Variants in TUB observed in about 807,000 individuals in gnomAD.
TUB encodes the protein TUB bipartite transcription factor, also known as tubby protein homolog.
In TUB, 33 loss-of-function variants were observed where a neutral mutation model predicts 59.7. The ratio of observed to expected loss-of-function variants is 0.55; its 90% CI spans 0.42 to 0.74. The LOEUF (loss-of-function observed/expected upper bound fraction) is 0.74, where lower values mean the gene tolerates loss of function less well. Among genes scored for constraint, TUB ranks in the 30% least tolerant of loss-of-function variants. The probability of loss-of-function intolerance (pLI) is 0.00; values close to 1 mark genes in which losing one functional copy is unlikely to be tolerated. For synonymous variants in TUB, 293 were observed against 256.4 expected (o/e 1.14, Z -1.36); for missense variants, 659 against 672.0 (o/e 0.98, Z 0.21).
intron 2 of TUB, among the ~76,000 whole-genome samples, chr11:8,074,185 A>C (rs902506800): frequency 1.3e-5 from 2 of 151,794 alleles, no homozygotes; most frequent in African/African-American, 4.8e-5. Flanking sequence ...TGTTGTCTGC[A>C]CTGTTCAGGG....
Position 8,098,835 on chromosome 11 carries a change from A to C in TUB, c.1076A>C (p.Glu359Ala). The change falls in exon 9 of 12, where the codon GAA becomes GCA. Residue 359 changes from glutamate to alanine, a missense_variant. Glu to Ala is a moderately radical substitution (Grantham distance 107). Coordinates refer to ENST00000299506, the MANE Select transcript of TUB (RefSeq NM_177972.3). ...NPQKASSSTL[E>A]SGTLRQELAA... ...CAGAAGGCCTCATCCTCCACTTTGG[A>C]AAGTGGAACCTTACGTCAGGAGCTG... The C allele has an allele frequency of 6.2e-7, 1 of 1,614,180 alleles. No individual in the cohort carries two copies. Among genetic ancestry groups the C allele is most frequent in the South Asian group, 1.1e-5 (1 of 91,080 alleles).
intron 3 of TUB, 119 bp from the exon 4 acceptor site, chr11:8,093,926 GC>G: frequency 8.7e-7 from 1 of 1,151,836 alleles, no homozygotes. Context: ...TGGTACAGGG[GC>G]CCTGGTGGGA....
At chr11:8,038,651 T>A in exon 1 of TUB, 1 of 1,329,954 alleles carries the variant, frequency 7.5e-7, no homozygotes, top group Non-Finnish European at 9.6e-7. Context: ...TTCAGTCTGG[T>A]CCTGAAGGGT....
chr11:8,033,995 G>A (rs1589922904), upstream of TUB, among the ~76,000 whole-genome samples: 1 of 152,228 alleles, frequency 6.6e-6, no homozygotes, highest in African/African-American at 2.4e-5. Context: ...TTTCCAGGTA[G>A]AATTTTGGGG....
rs769795043 is a variant in TUB, at chr11:8,098,740, AT to A, written c.999-16del. ...GCAGAGGGTGCATGACTCTATACTG[AT>A]TGTGCCTTTATTTCAGGTCCAACTT... On this transcript the variant is annotated splice_polypyrimidine_tract_variant and intron_variant, in intron 8 of 11. Coordinates refer to ENST00000299506, the MANE Select transcript of TUB (RefSeq NM_177972.3). 5 of 1,587,324 alleles carry A rather than the reference AT, an allele frequency of 3.1e-6. No individual in the cohort carries two copies. The East Asian group carries it at 8.9e-5, about 28-fold the overall frequency.
intron 5 of TUB, 91 bp from the exon 6 acceptor site, chr11:8,096,594 A>G (rs775279278): frequency 9.4e-5 from 80 of 847,866 alleles, no homozygotes; most frequent in Non-Finnish European, 1.5e-4. Flanking sequence ...CAGGTGAGTC[A>G]GTGTCTGAAC....
intron 2 of TUB, chr11:8,067,589 TA>T (rs1443732623): frequency 1.3e-5 from 2 of 152,210 alleles, no homozygotes; most frequent in Non-Finnish European, 2.9e-5. Context: ...AAATATTTAT[TA>T]AACTCCTGTT....
exon 1 of TUB, chr11:8,038,649 G>T: frequency 7.6e-7 from 1 of 1,317,138 alleles, no homozygotes; most frequent in South Asian, 1.9e-5. Context: ...GATTCAGTCT[G>T]GTCCTGAAGG....
chr11:8,056,837 G>A (rs965350378), intron 2 of TUB, among the ~76,000 whole-genome samples: 12 of 152,050 alleles, frequency 7.9e-5, no homozygotes, highest in African/African-American at 2.9e-4. Flanking sequence ...ACAAGCACAT[G>A]GTGTGTCTCA....
Position 8,105,107 on chromosome 11 carries a change from A to G in TUB, c.*3488A>G, listed in dbSNP as rs889885383. 2 of 152,230 alleles carry G rather than the reference A, an allele frequency of 1.3e-5. No individual in the cohort carries two copies. Among genetic ancestry groups the G allele is most frequent in the Non-Finnish European group, 2.9e-5 (2 of 68,048 alleles). The allele number at this position is 152,230 out of a possible 1,614,324, so 9.4% of individuals were successfully genotyped here. Reference sequence around the variant, plus strand: ...GGGAGATGCTGGGATAGCCATTTCCATGGCTCTGTTATGCAAGCACAAATT... The same window carrying G: ...GGGAGATGCTGGGATAGCCATTTCCGTGGCTCTGTTATGCAAGCACAAATT... On this transcript the variant is annotated 3_prime_UTR_variant, in exon 12 of 12. Coordinates refer to ENST00000299506, the MANE Select transcript of TUB (RefSeq NM_177972.3).
At chr11:8,075,665 T>C (rs141271932) in intron 2 of TUB, 40 of 152,340 alleles carry the variant, frequency 2.6e-4, no homozygotes, top group African/African-American at 8.4e-4. Context: ...CTGACCATTT[T>C]CAGGTAACCA....
At chr11:8,022,357 C>A (rs540291703) in intron 1 of TUB, among the ~76,000 whole-genome samples, 3 of 152,222 alleles carry the variant, frequency 2.0e-5, no homozygotes, top group Non-Finnish European at 4.4e-5. Context: ...TCATCCCCAT[C>A]CTAACTCTAT....
chr11:8,043,781 T>A (rs1028324226), intron 2 of TUB, among the ~76,000 whole-genome samples: 1 of 152,184 alleles, frequency 6.6e-6, no homozygotes. Context: ...GCTGAACTTG[T>A]TTATTAGTTA....
In TUB at chr11:8,090,158, G is replaced by T; in HGVS notation, c.180G>T (p.Arg60=). 1 of 1,613,598 alleles carries T rather than the reference G, an allele frequency of 6.2e-7. No homozygotes were observed. Among genetic ancestry groups the T allele is most frequent in the Non-Finnish European group, 8.5e-7 (1 of 1,179,896 alleles). The part of the protein sequence containing the change: ...ANADGRPRSR[R]ARQSEEQAPL... ...CAGATGGGCGGCCCCGGAGCCGGCG[G>T]GCCCGGCAGTCAGAGGAACAAGCCC... Residue 60 remains arginine (R), a synonymous_variant, in exon 3 of 12, where the codon CGG becomes CGT. Transcript: ENST00000299506.
At chr11:8,031,669 T>C (rs1235182491) in intron 1 of TUB, among the ~76,000 whole-genome samples, 1 of 152,220 alleles carries the variant, frequency 6.6e-6, no homozygotes, top group East Asian at 1.9e-4. Flanking sequence ...GTCTCACTTT[T>C]AGTGTAACTG....
intron 1 of TUB, among the ~76,000 whole-genome samples, chr11:8,029,436 T>C (rs1381420797): frequency 6.7e-6 from 1 of 149,100 alleles, no homozygotes; most frequent in Non-Finnish European, 1.5e-5. Context: ...TCTCCCAGGC[T>C]GGAGTGCAGT....
rs751200780 is a variant in TUB, at chr11:8,081,564, G to C, written c.38+16G>C. ...TTCCCTACAGGTACGCGGGCGCCGG[G>C]CCGGGGCGCCCACCACTCCCGACTC... On this transcript the variant is annotated intron_variant, in intron 1 of 11. Transcript: ENST00000299506. The C allele has an allele frequency of 6.5e-7, 1 of 1,528,174 alleles. No individual in the cohort carries two copies. The highest frequency in any genetic ancestry group is 1.2e-5 in the South Asian group (1 of 82,744). The allele number at this position is 1,528,174 out of a possible 1,614,324, so 94.7% of individuals were successfully genotyped here. A position where few individuals can be genotyped will look rare whatever the true frequency, so the allele number is the denominator to read the frequency against.
chr11:8,100,438 C>A (rs373243458), intron 9 of TUB, 65 bp from the exon 10 acceptor site: 9 of 1,280,210 alleles, frequency 7.0e-6, no homozygotes, highest in African/African-American at 1.5e-5. Context: ...TATTCCCGTC[C>A]CCCCCACCTT....
At chr11:8,101,458 C>T in intron 11 of TUB, 28 bp from the exon 12 acceptor site, 1 of 1,613,720 alleles carries the variant, frequency 6.2e-7, no homozygotes, top group Non-Finnish European at 8.5e-7. Context: ...CTGTCCTTTT[C>T]TCTGTCTGTG....
Sources: gnomAD v4.1 joint callset for allele counts (sites outside exome capture counted in the v4.1 genomes callset) on GRCh38, gnomAD v4.1.1 for gene constraint, MANE v1.5 for transcripts, NCBI Gene and HGNC (gene_info 2026-07-23, HGNC 2026-07-21) for gene names.